The following IFI27L1 variants were observed in gnomAD, a reference collection of about 807,000 sequenced individuals.
The protein encoded by IFI27L1 is interferon alpha-inducible protein 27-like protein 1.
Under a neutral mutation model 9.2 loss-of-function variants are expected in IFI27L1, and 3 were observed. That is an observed-to-expected ratio of 0.32 (90% CI 0.15 to 0.84). The LOEUF is 0.84. Among genes scored for constraint, IFI27L1 ranks in the 40% least tolerant of loss-of-function variants. IFI27L1 has a pLI of 0.56. For synonymous variants in IFI27L1, 53 were observed against 50.0 expected, an observed-to-expected ratio of 1.06 and a Z score of -0.26; for missense variants, 133 against 134.2, an observed-to-expected ratio of 0.99 and a Z score of 0.05.
intron 2 of IFI27L1, chr14:94,100,327 T>C (rs1886845301): frequency 1.0e-6 from 1 of 985,298 alleles, no homozygotes; most frequent in South Asian, 4.7e-5. Flanking sequence ...CTGAGCTCTT[T>C]CTAGCAGGCC....
Position 94,102,572 on chromosome 14 carries a change from C to T in IFI27L1, c.*4C>T. On this transcript the variant is annotated 3_prime_UTR_variant, in exon 5 of 5. Coordinates refer to ENST00000555523, the MANE Select transcript of IFI27L1 (RefSeq NM_206949.3). ...GGGTTCACCCCCTTCCAGCTGAACA[C>T]CACACTGAGGCAGGGAGTTGGCTCT... is the stretch of plus-strand genomic sequence containing the variant. 6.6e-6 allele frequency: 10 copies of T among 1,521,630 alleles called. No individual in the cohort carries two copies. The highest frequency in any genetic ancestry group is 8.0e-6 in the Non-Finnish European group (9 of 1,131,434). The allele number at this position is 1,521,630 out of a possible 1,614,324, so 94.3% of individuals were successfully genotyped here.
chr14:94,088,383 T>C, intron 1 of IFI27L1: 1 of 701,910 alleles, frequency 1.4e-6, no homozygotes, highest in Admixed American at 2.0e-5. Flanking sequence ...AGTTTCGTGA[T>C]CATGGCACTG....
rs1886913259 is a variant in IFI27L1 at position 94,101,903 on chromosome 14, A to G, written c.151A>G (p.Met51Val). The G allele has an allele frequency of 6.2e-7, 1 of 1,614,114 alleles. No homozygotes were observed. The highest frequency in any genetic ancestry group is 1.3e-5 in the African/African-American group (1 of 74,938). The change falls in exon 4 of 5, where the codon ATG becomes GTG. Residue 51 changes from methionine to valine, a missense_variant. By Grantham distance (21) the Met-to-Val change is conservative. Coordinates refer to ENST00000555523, the MANE Select transcript of IFI27L1 (RefSeq NM_206949.3). ...CGCATCCTCCATAGCAGCCAAGATG[A>G]TGTCTACAGCAGCCATTGCCAACGG... The part of the protein sequence containing the change: ...IAASSIAAKM[M>V]STAAIANGGG...
At chr14:94,101,793 C>T in intron 3 of IFI27L1, 21 bp from the exon 4 acceptor site, 1 of 1,613,970 alleles carries the variant, frequency 6.2e-7, no homozygotes, top group Non-Finnish European at 8.5e-7. Context: ...GGGGCCAACC[C>T]CAAATCTCCA....
At chr14:94,081,696 A>G (rs933599794) in intron 1 of IFI27L1, among the ~76,000 whole-genome samples, 1 of 152,202 alleles carries the variant, frequency 6.6e-6, no homozygotes, top group African/African-American at 2.4e-5. Context: ...GTGCTCTGCT[A>G]CAAGGGTGAC....
chr14:94,087,119 A>T (rs1226528394), intron 1 of IFI27L1, among the ~76,000 whole-genome samples: 1 of 152,246 alleles, frequency 6.6e-6, no homozygotes, highest in Non-Finnish European at 1.5e-5. Context: ...AGCAATTAAA[A>T]GACAACAGCC....
At chr14:94,095,388 T>G (rs1886632443) in intron 1 of IFI27L1, among the ~76,000 whole-genome samples, 1 of 152,196 alleles carries the variant, frequency 6.6e-6, no homozygotes, top group African/African-American at 2.4e-5. Flanking sequence ...CAATGTCTAC[T>G]TGATCTCCGG....
chr14:94,088,703 C>T (rs1886367767), intron 1 of IFI27L1, among the ~76,000 whole-genome samples: 2 of 152,170 alleles, frequency 1.3e-5, no homozygotes. Context: ...ATGCATGTGA[C>T]ACACATACAA....
chr14:94,095,099 A>G (rs911888229), intron 1 of IFI27L1, among the ~76,000 whole-genome samples: 5 of 152,192 alleles, frequency 3.3e-5, no homozygotes, highest in Admixed American at 6.5e-5. Flanking sequence ...CAGTGGCATG[A>G]TCACAGCTCA....
chr14:94,097,023 T>A, intron 2 of IFI27L1, 58 bp downstream of exon 2: 6 of 1,431,264 alleles, frequency 4.2e-6, no homozygotes, highest in Non-Finnish European at 5.8e-6. Flanking sequence ...ATGCACTTTG[T>A]GTCCCACTCT....
chr14:94,100,172 A>G (rs1234039058), intron 2 of IFI27L1: 1 of 513,510 alleles, frequency 1.9e-6, no homozygotes, highest in East Asian at 1.5e-4. Flanking sequence ...AAGACAGGTC[A>G]GGAGTCGTGA....
In IFI27L1 at chr14:94,102,501, C is replaced by G. The variant is rs1886939476; in HGVS notation, c.248C>G (p.Ser83Cys). Residue 83 changes from serine (S) to cysteine (C), a missense_variant, in exon 5 of 5, where the codon TCT (serine) becomes TGT (cysteine). Coordinates refer to ENST00000555523, the MANE Select transcript of IFI27L1 (RefSeq NM_206949.3). ...GGGGCAGCTGGACTCTCTGTGACAT[C>G]TAAAGTTATCGGGGGCTTTGCTGGG... ...SVGAAGLSVTSKVIGGFAGTA... is the reference protein window; with the variant it reads ...SVGAAGLSVTCKVIGGFAGTA... 1 of 1,595,200 alleles carries G rather than the reference C, an allele frequency of 6.3e-7. No homozygotes were observed. Among genetic ancestry groups the G allele is most frequent in the African/African-American group, 1.3e-5 (1 of 74,090 alleles).
intron 1 of IFI27L1, among the ~76,000 whole-genome samples, chr14:94,095,470 C>A (rs61982116): frequency 0.31 from 46,533 of 152,032 alleles, 7,604 homozygotes; most frequent in East Asian, 0.52. Context: ...ACATTTCTAT[C>A]AAGGAATACC....
At chr14:94,086,476 C>T (rs1260146880) in intron 1 of IFI27L1, among the ~76,000 whole-genome samples, 2 of 152,158 alleles carry the variant, frequency 1.3e-5, no homozygotes, top group East Asian at 3.8e-4. Flanking sequence ...ATCTAATGAA[C>T]CATTCCCCAT....
intron 3 of IFI27L1, 173 bp downstream of exon 3, chr14:94,100,944 A>G (rs1014987428): frequency 9.6e-6 from 7 of 728,682 alleles, no homozygotes; most frequent in African/African-American, 3.5e-5. Flanking sequence ...AAGCAAAGCC[A>G]TTAAAGGCAC....
At chr14:94,095,945 A>G (rs1478592586) in intron 1 of IFI27L1, among the ~76,000 whole-genome samples, 1 of 152,236 alleles carries the variant, frequency 6.6e-6, no homozygotes, top group Non-Finnish European at 1.5e-5. Flanking sequence ...CAGAAAGAAT[A>G]TAGTGGACTC....
At chr14:94,086,103 A>C (rs1886269698) in intron 1 of IFI27L1, among the ~76,000 whole-genome samples, 1 of 152,184 alleles carries the variant, frequency 6.6e-6, no homozygotes, top group African/African-American at 2.4e-5. Flanking sequence ...TGCCTCATGA[A>C]TGGCTTGGGC....
At chr14:94,084,537 C>T (rs973156012) in intron 1 of IFI27L1, among the ~76,000 whole-genome samples, 3 of 152,238 alleles carry the variant, frequency 2.0e-5, no homozygotes, top group African/African-American at 7.2e-5. Flanking sequence ...TGCACAAACC[C>T]AGTCAGATTA....
intron 2 of IFI27L1, among the ~76,000 whole-genome samples, chr14:94,099,574 T>G (rs1311581663): frequency 6.6e-6 from 1 of 152,116 alleles, no homozygotes; most frequent in Non-Finnish European, 1.5e-5. Flanking sequence ...CCTGAGAGGC[T>G]TCAGAGAGAG....
Sources: gnomAD v4.1 joint callset for allele counts (sites outside exome capture counted in the v4.1 genomes callset) on GRCh38, gnomAD v4.1.1 for gene constraint, MANE v1.5 for transcripts, NCBI Gene and HGNC (gene_info 2026-07-23, HGNC 2026-07-21) for gene names.